Variants in ARID1B observed in about 807,000 individuals in gnomAD.
The protein encoded by ARID1B is AT-rich interactive domain-containing protein 1B.
Under a neutral mutation model 212.3 loss-of-function variants are expected in ARID1B, and 30 were observed. The observed-to-expected ratio is 0.14, with a 90% CI of 0.11 to 0.19. The LOEUF is 0.19. Among genes scored for constraint, ARID1B ranks in the 10% least tolerant of loss-of-function variants. ARID1B has a pLI of 1.00. For missense variants in ARID1B, 2,891 were observed against 3,204.0 expected, an observed-to-expected ratio of 0.90 and a Z score of 2.36; for synonymous variants, 1,402 against 1,301.7, an observed-to-expected ratio of 1.08 and a Z score of -1.66.
intron 3 of ARID1B, among the ~76,000 whole-genome samples, chr6:156,934,523 T>A (rs1792003002): frequency 1.3e-5 from 2 of 152,162 alleles, no homozygotes; most frequent in African/African-American, 2.4e-5. Context: ...GTTTTATTCT[T>A]TATGATGGTT....
intron 1 of ARID1B, among the ~76,000 whole-genome samples, chr6:156,825,122 C>T (rs1465166387): frequency 6.6e-6 from 1 of 152,166 alleles, no homozygotes; most frequent in African/African-American, 2.4e-5. Flanking sequence ...GCCTCAGCCT[C>T]CCGAAGTGCT....
At chr6:157,179,031 A>C (rs1792318487) in intron 11 of ARID1B, among the ~76,000 whole-genome samples, 1 of 152,174 alleles carries the variant, frequency 6.6e-6, no homozygotes, top group Non-Finnish European at 1.5e-5. Flanking sequence ...TCAAACTTTT[A>C]CCTCAGTTTT....
At chr6:157,121,494 A>G (rs1403960262) in intron 6 of ARID1B, among the ~76,000 whole-genome samples, 1 of 152,154 alleles carries the variant, frequency 6.6e-6, no homozygotes, top group African/African-American at 2.4e-5. Context: ...TCTTTTATAT[A>G]GAAGATGTGA....
chr6:156,812,544 T>G (rs1781623756), intron 1 of ARID1B, among the ~76,000 whole-genome samples: 1 of 152,296 alleles, frequency 6.6e-6, no homozygotes, highest in East Asian at 1.9e-4. Context: ...TCAAGGACCT[T>G]CTTATACCTC....
intron 4 of ARID1B, among the ~76,000 whole-genome samples, chr6:156,991,424 G>A (rs1432015418): frequency 6.6e-6 from 1 of 152,042 alleles, no homozygotes; most frequent in East Asian, 1.9e-4. Flanking sequence ...TAGAGATGGG[G>A]TTTCACCATG....
chr6:157,143,608 T>C (rs938636642), intron 7 of ARID1B, among the ~76,000 whole-genome samples: 2 of 152,196 alleles, frequency 1.3e-5, no homozygotes, highest in Non-Finnish European at 2.9e-5. Context: ...ATTATCGTAG[T>C]CACTTTACAG....
intron 4 of ARID1B, among the ~76,000 whole-genome samples, chr6:157,004,070 A>C (rs1779063039): frequency 6.6e-6 from 1 of 151,820 alleles, no homozygotes; most frequent in African/African-American, 2.4e-5. Context: ...AAACAATACC[A>C]CCACAAATTT....
intron 8 of ARID1B, among the ~76,000 whole-genome samples, chr6:157,155,694 T>C (rs1790531242): frequency 6.6e-6 from 1 of 152,202 alleles, no homozygotes; most frequent in Admixed American, 6.5e-5. Context: ...TTATTAAATC[T>C]TAGCCACTCA....
chr6:156,974,726 T>C (rs534629944), intron 4 of ARID1B, among the ~76,000 whole-genome samples: 1 of 152,346 alleles, frequency 6.6e-6, no homozygotes, highest in South Asian at 2.1e-4. Context: ...GTTTGTTAAA[T>C]TGTTTTAGCT....
rs201495355 is a variant in ARID1B, at chr6:156,934,912, T to TTATA, written c.2137-507_2137-504dup. 8.2e-3 allele frequency among the ~76,000 whole-genome samples: 427 copies of TTATA among 52,196 alleles called. 2 individuals are homozygous for TTATA. The highest frequency in any genetic ancestry group is 0.011 in the South Asian group (13 of 1,158). The allele number at this position is 52,196 out of a possible 152,430, so 34.2% of individuals were successfully genotyped here. ...GTCTCATAATAAATTTAGTTGTTAATTATATATATATATATATATATATAT... is the reference window on the plus strand; with the variant it reads ...GTCTCATAATAAATTTAGTTGTTAATTATATATATATATATATATATATATATAT... On this transcript the variant is annotated intron_variant, in intron 3 of 19. Transcript: ENST00000636930.
chr6:157,097,827 T>G (rs1369915718), intron 5 of ARID1B, among the ~76,000 whole-genome samples: 1 of 152,190 alleles, frequency 6.6e-6, no homozygotes, highest in Non-Finnish European at 1.5e-5. Flanking sequence ...CCCCTTTGTG[T>G]CATAAGAACT....
At chr6:156,898,364 T>TG (rs1788656963) in intron 2 of ARID1B, among the ~76,000 whole-genome samples, 1 of 152,092 alleles carries the variant, frequency 6.6e-6, no homozygotes, top group African/African-American at 2.4e-5. Context: ...GCAGTGTGTG[T>TG]GGGTGTCTTG....
chr6:157,028,927 T>G (rs926837957), intron 4 of ARID1B, among the ~76,000 whole-genome samples: 1 of 152,244 alleles, frequency 6.6e-6, no homozygotes, highest in Non-Finnish European at 1.5e-5. Context: ...TAAAATTGTT[T>G]GGAAGGATTG....
intron 4 of ARID1B, chr6:156,937,917 T>C (rs1279638626): frequency 6.6e-6 from 1 of 152,090 alleles, no homozygotes; most frequent in Non-Finnish European, 1.5e-5. Context: ...AACTCACAGA[T>C]AAATAAGATG....
At chr6:156,936,382 C>A in intron 4 of ARID1B, 1 of 149,196 alleles carries the variant, frequency 6.7e-6, no homozygotes, top group African/African-American at 2.5e-5. Context: ...TGTTTATTTC[C>A]ACCAATAAAT....
At chr6:156,797,335 A>G (rs1036718438) in intron 1 of ARID1B, among the ~76,000 whole-genome samples, 10 of 152,192 alleles carry the variant, frequency 6.6e-5, no homozygotes, top group Non-Finnish European at 1.5e-4. Context: ...ATAATGGAAC[A>G]TTTTCAAAAA....
chr6:157,109,215 CAGGCTTTGTGCTGA>C (rs1786716414), intron 5 of ARID1B, among the ~76,000 whole-genome samples: 1 of 152,034 alleles, frequency 6.6e-6, no homozygotes, highest in Non-Finnish European at 1.5e-5. Flanking sequence ...CGTCAAATAC[CAGGCTTTGTGCTGA>C]ATGTGCCCTG....
chr6:157,115,318 A>G (rs1255127153), intron 6 of ARID1B, among the ~76,000 whole-genome samples: 1 of 152,182 alleles, frequency 6.6e-6, no homozygotes, highest in Non-Finnish European at 1.5e-5. Context: ...AAAACTTTAG[A>G]TATTTATTGG....
Position 156,779,163 on chromosome 6 carries a change from C to T in ARID1B, c.1483C>T (p.Pro495Ser), listed in dbSNP as rs1778979581. The T allele has an allele frequency of 3.0e-6, 4 of 1,325,080 alleles. No homozygotes were observed. Among genetic ancestry groups the T allele is most frequent in the South Asian group, 2.0e-5 (1 of 50,266 alleles). 82.1% of individuals were successfully genotyped at this position (1,325,080 alleles called of 1,614,324 possible). A position where few individuals can be genotyped will look rare whatever the true frequency, so the allele number is the denominator to read the frequency against. The change falls in exon 1 of 20, where the codon CCG becomes TCG. Residue 495 changes from proline to serine, a missense_variant. Physicochemically the swap from Pro to Ser is moderately conservative, Grantham distance 74. Transcript: ENST00000636930. The stretch of plus-strand genomic sequence containing the variant: ...GCGCTTCGCCGGCCAGAACCAGCAC[C>T]CGTCGGGGGCCACCCCGACCCTCAA... ...FQRFAGQNQHPSGATPTLNQL... is the reference protein window; with the variant it reads ...FQRFAGQNQHSSGATPTLNQL...
Sources: gnomAD v4.1 joint callset for allele counts (sites outside exome capture counted in the v4.1 genomes callset) on GRCh38, gnomAD v4.1.1 for gene constraint, MANE v1.5 for transcripts, NCBI Gene and HGNC (gene_info 2026-07-23, HGNC 2026-07-21) for gene names.